Variants in TMPRSS5 observed in about 807,000 individuals in gnomAD.
The protein encoded by TMPRSS5 is transmembrane protease serine 5.
A neutral mutation model predicts 59.7 loss-of-function variants in TMPRSS5; 45 were observed. The observed-to-expected ratio is 0.75, with a 90% CI of 0.59 to 0.97. The LOEUF is 0.97. Ranked by LOEUF, TMPRSS5 falls within the 50% of genes least tolerant of loss-of-function variation. The probability of loss-of-function intolerance (pLI) is 0.00; values close to 1 mark genes in which losing one functional copy is unlikely to be tolerated. For missense variants in TMPRSS5, 585 were observed against 596.7 expected, an observed-to-expected ratio of 0.98 and a Z score of 0.20; for synonymous variants, 225 against 232.0, an observed-to-expected ratio of 0.97 and a Z score of 0.27.
intron 6 of TMPRSS5, among the ~76,000 whole-genome samples, chr11:113,696,535 T>C (rs1952932664): frequency 6.6e-6 from 1 of 152,264 alleles, no homozygotes; most frequent in Non-Finnish European, 1.5e-5. Context: ...TTATTACTTA[T>C]GTGACCTTGG....
Position 113,699,600 on chromosome 11 carries a change from A to G in TMPRSS5, c.200T>C (p.Leu67Pro). ...LLAGAGVGSW[L>P]LVLYLCPAAS... ...GAAAGGCCCCCAGCACTGACCTAGG[A>G]GCCATGAGCCAACACCTGCACCGGC... is the stretch of plus-strand genomic sequence containing the variant. The change falls in exon 3 of 13, where the codon CTC becomes CCC. Residue 67 changes from leucine to proline, a missense_variant. Physicochemically the swap from Leu to Pro is moderately conservative, Grantham distance 98. Coordinates refer to ENST00000299882, the MANE Select transcript of TMPRSS5 (RefSeq NM_030770.4). 6.4e-7 allele frequency: 1 copy of G among 1,573,774 alleles called. No homozygotes were observed. The highest frequency in any genetic ancestry group is 8.6e-7 in the Non-Finnish European group (1 of 1,160,114).
At chr11:113,694,723 T>C in intron 7 of TMPRSS5, 83 bp from the exon 8 acceptor site, 1 of 1,363,942 alleles carries the variant, frequency 7.3e-7, no homozygotes, top group South Asian at 1.5e-5. Flanking sequence ...CGTGGCCCAG[T>C]GCTAAGCCCC....
intron 6 of TMPRSS5, among the ~76,000 whole-genome samples, chr11:113,696,026 G>A (rs77897406): frequency 0.011 from 1,663 of 151,942 alleles, 18 homozygotes; most frequent in Non-Finnish European, 0.018. Flanking sequence ...GACCCTCTTA[G>A]TTTCTCCTAG....
chr11:113,703,413 C>G lies in TMPRSS5; in HGVS notation c.3+2809G>C, dbSNP rs144858340. 8.8e-3 allele frequency among the ~76,000 whole-genome samples: 1,336 copies of G among 152,288 alleles called. 18 individuals carry two copies. Among genetic ancestry groups the G allele is most frequent in the African/African-American group, 0.029 (1,205 of 41,552 alleles). On this transcript the variant is annotated intron_variant, in intron 1 of 12. Transcript: ENST00000299882. ...AGTAACTAACTTGCTTTTGATTTTACAGGCTCATAGGCAGAAGAGACTTGC... is the reference window on the plus strand; with the variant it reads ...AGTAACTAACTTGCTTTTGATTTTAGAGGCTCATAGGCAGAAGAGACTTGC...
Position 113,699,262 on chromosome 11 carries a change from T to C in TMPRSS5, c.206-235A>G, listed in dbSNP as rs961525196. ...CTCTCTCTCTCTCTCTCTCTCTCTC[T>C]CTCTCTCTCCCTCTCTCTCTCTCTC... On this transcript the variant is annotated intron_variant, in intron 3 of 12. Transcript: ENST00000299882. Among the ~76,000 whole-genome samples, 516 of 93,236 alleles carry C rather than the reference T, an allele frequency of 5.5e-3. 46 individuals carry two copies. In the East Asian group the frequency reaches 0.062, roughly 11 times the overall value. 61.2% of individuals were successfully genotyped at this position (93,236 alleles called of 152,430 possible).
chr11:113,693,087 G>C lies in TMPRSS5; in HGVS notation c.948C>G (p.Thr316=), dbSNP rs372506702. The C allele has an allele frequency of 4.5e-6, 7 of 1,571,012 alleles. No homozygotes were observed. The highest frequency in any genetic ancestry group is 1.4e-5 in the African/African-American group (1 of 73,922). Residue 316 remains threonine, a synonymous_variant, in exon 9 of 13, where the codon ACC becomes ACG. Coordinates refer to ENST00000299882, the MANE Select transcript of TMPRSS5 (RefSeq NM_030770.4). ...GTGCCGCACCTGAGAAGTTGAGAGC[G>C]GTCTGGAGCCTCAGGAGGGCGACGT... The part of the protein sequence containing the change: ...DYDVALLRLQ[T]ALNFSDTVGA...
chr11:113,693,017 C>CCCCCCACTCA, intron 9 of TMPRSS5, 54 bp downstream of exon 9: 1 of 1,383,248 alleles, frequency 7.2e-7, no homozygotes, highest in Non-Finnish European at 1.0e-6. Context: ...CACCCAGCCC[C>CCCCCCACTCA]CGCCCTCTCT....
intron 12 of TMPRSS5, 100 bp downstream of exon 12, chr11:113,689,665 C>A: frequency 1.5e-6 from 2 of 1,364,616 alleles, no homozygotes; most frequent in Non-Finnish European, 2.0e-6. Context: ...AGCACCCTCC[C>A]CAGTCCCCAG....
chr11:113,706,135 C>T, intron 1 of TMPRSS5, 87 bp downstream of exon 1: 1 of 1,501,772 alleles, frequency 6.7e-7, no homozygotes. Flanking sequence ...GCTCTTTCCA[C>T]CAGCCTAGAA....
At chr11:113,698,883 TA>T in intron 4 of TMPRSS5, 21 bp downstream of exon 4, 1 of 1,574,982 alleles carries the variant, frequency 6.3e-7, no homozygotes. Flanking sequence ...GGGAGGCCCG[TA>T]GCCTTAGGGG....
At chr11:113,691,383 C>T (rs183071635) in intron 9 of TMPRSS5, among the ~76,000 whole-genome samples, 75 of 152,292 alleles carry the variant, frequency 4.9e-4, no homozygotes, top group African/African-American at 1.7e-3. Flanking sequence ...ACGCCATGTC[C>T]TTTTCAATTC....
chr11:113,693,315 CAGG>C, intron 8 of TMPRSS5, 66 bp from the exon 9 acceptor site: 1 of 1,432,514 alleles, frequency 7.0e-7, no homozygotes, highest in Non-Finnish European at 9.1e-7. Context: ...AGCAAGGTAG[CAGG>C]TGGAGGAAGC....
At chr11:113,691,010 ACC>A in intron 9 of TMPRSS5, 71 bp from the exon 10 acceptor site, 1 of 1,412,718 alleles carries the variant, frequency 7.1e-7, no homozygotes, top group Non-Finnish European at 9.7e-7. Context: ...TGGGCGAAGG[ACC>A]CAGGACTGGC....
chr11:113,700,876 A>G (rs1017424769), intron 1 of TMPRSS5, among the ~76,000 whole-genome samples: 3 of 152,120 alleles, frequency 2.0e-5, no homozygotes, highest in Non-Finnish European at 4.4e-5. Flanking sequence ...ACCTTGTGGG[A>G]GGTGATTAAA....
intron 8 of TMPRSS5, among the ~76,000 whole-genome samples, chr11:113,694,132 A>C (rs936436280): frequency 6.6e-6 from 1 of 150,826 alleles, no homozygotes; most frequent in Non-Finnish European, 1.5e-5. Context: ...AGCTGAACAT[A>C]GTGGTGCCCA....
rs1591380019 is a variant in TMPRSS5, at chr11:113,695,423, T to G, written c.599A>C (p.Gln200Pro). Reference sequence around the variant, plus strand: ...ACCAGAGCATCTGAGGGAAACAACTTGACCAGAAGTGCAGTTGTTCCTGCA... The same window carrying G: ...ACCAGAGCATCTGAGGGAAACAACTGGACCAGAAGTGCAGTTGTTCCTGCA... ...WQPRNNCTSGQVVSLRCSECG... is the reference protein window; with the variant it reads ...WQPRNNCTSGPVVSLRCSECG... The change falls in exon 7 of 13, where the codon CAA becomes CCA. Residue 200 changes from glutamine (Q) to proline (P), a missense_variant. By Grantham distance (76) the Gln-to-Pro change is moderately conservative. Coordinates refer to ENST00000299882, the MANE Select transcript of TMPRSS5 (RefSeq NM_030770.4). 5 of 1,613,822 alleles carry G rather than the reference T, an allele frequency of 3.1e-6. No individual in the cohort carries two copies. In the East Asian group the frequency reaches 6.7e-5, roughly 22 times the overall value.
chr11:113,695,066 G>A (rs890283172), intron 7 of TMPRSS5, among the ~76,000 whole-genome samples: 6 of 152,148 alleles, frequency 3.9e-5, no homozygotes, highest in Non-Finnish European at 5.9e-5. Context: ...CTGCTAACAG[G>A]TCACTCAATA....
chr11:113,696,543 T>C (rs1345295458), intron 6 of TMPRSS5, among the ~76,000 whole-genome samples: 2 of 152,236 alleles, frequency 1.3e-5, no homozygotes, highest in Non-Finnish European at 2.9e-5. Context: ...TATGTGACCT[T>C]GGACAAGACT....
chr11:113,690,710 G>C (rs1952752308), intron 10 of TMPRSS5, 131 bp downstream of exon 10: 7 of 901,622 alleles, frequency 7.8e-6, no homozygotes, highest in Non-Finnish European at 1.2e-5. Flanking sequence ...CCCTAGGCCT[G>C]ACCAAGGGTG....
Sources: gnomAD v4.1 joint callset for allele counts (sites outside exome capture counted in the v4.1 genomes callset) on GRCh38, gnomAD v4.1.1 for gene constraint, MANE v1.5 for transcripts, NCBI Gene and HGNC (gene_info 2026-07-23, HGNC 2026-07-21) for gene names.